The following BCAR3 variants were observed in gnomAD, a reference collection of about 807,000 sequenced individuals.
The protein encoded by BCAR3 is breast cancer anti-estrogen resistance protein 3.
Under a neutral mutation model 80.1 loss-of-function variants are expected in BCAR3, and 37 were observed. The observed-to-expected ratio is 0.46, with a 90% CI of 0.36 to 0.61. The LOEUF (loss-of-function observed/expected upper bound fraction) is 0.61, where lower values mean the gene tolerates loss of function less well. Among genes scored for constraint, BCAR3 ranks in the 20% least tolerant of loss-of-function variants. The pLI is 0.00. For missense variants in BCAR3, 978 were observed against 1,068.2 expected (o/e 0.92, Z 1.18); for synonymous variants, 389 against 418.9 (o/e 0.93, Z 0.87).
intron 2 of BCAR3, among the ~76,000 whole-genome samples, chr1:93,736,113 G>A (rs180999076): frequency 6.6e-6 from 1 of 152,212 alleles, no homozygotes; most frequent in African/African-American, 2.4e-5. Context: ...ATTAAGAAAA[G>A]AATCATGCAA....
At position 93,592,234 on chromosome 1, in the gene BCAR3, T is replaced by C. The variant is rs1455090249; in HGVS notation, c.486+31A>G. The stretch of plus-strand genomic sequence containing the variant: ...TCTGTACATTGCCTGAGAGCAGCCG[T>C]GTATGCTCTGGAAGGGACAAGACCA... On this transcript the variant is annotated intron_variant, in intron 4 of 11. Transcript: ENST00000260502. The surrounding 1 kb of genome is among the most constrained non-coding windows in gnomAD (Gnocchi z 4.8). The C allele has an allele frequency of 1.9e-6, 3 of 1,612,752 alleles. No individual in the cohort carries two copies. The highest frequency in any genetic ancestry group is 1.7e-5 in the Admixed American group (1 of 59,950).
chr1:93,676,826 G>C (rs1187237153), intron 1 of BCAR3, among the ~76,000 whole-genome samples: 2 of 152,226 alleles, frequency 1.3e-5, no homozygotes, highest in Non-Finnish European at 2.9e-5. Flanking sequence ...ATGTGCATAG[G>C]GCCACACTGT....
At chr1:93,750,167 A>G (rs1287943444) in intron 2 of BCAR3, among the ~76,000 whole-genome samples, 1 of 152,204 alleles carries the variant, frequency 6.6e-6, no homozygotes, top group African/African-American at 2.4e-5. Context: ...TCAAAGAGCA[A>G]ACAGAGTTCT....
At chr1:93,820,790 G>T (rs1654187292) in intron 2 of BCAR3, among the ~76,000 whole-genome samples, 1 of 152,132 alleles carries the variant, frequency 6.6e-6, no homozygotes, top group Non-Finnish European at 1.5e-5. Context: ...TCAGACGATG[G>T]GGCTGAAAGT....
intron 2 of BCAR3, among the ~76,000 whole-genome samples, chr1:93,800,906 A>G (rs562627573): frequency 9.2e-5 from 14 of 152,294 alleles, no homozygotes; most frequent in African/African-American, 3.4e-4. Context: ...ATATATCCCT[A>G]TCATTTGAAC....
chr1:93,590,051 G>A (rs1557848960), intron 4 of BCAR3, among the ~76,000 whole-genome samples: 3 of 152,180 alleles, frequency 2.0e-5, no homozygotes, highest in Admixed American at 1.3e-4. Context: ...CCAGTGGGGA[G>A]GAGGAGTCCA....
chr1:93,836,255 T>C (rs1654762970), intron 2 of BCAR3, among the ~76,000 whole-genome samples: 1 of 152,130 alleles, frequency 6.6e-6, no homozygotes, highest in African/African-American at 2.4e-5. Context: ...TTGAACTGCA[T>C]CCCCAAAACT....
At chr1:93,688,664 C>T (rs1571046314) in intron 3 of BCAR3, among the ~76,000 whole-genome samples, 1 of 152,026 alleles carries the variant, frequency 6.6e-6, no homozygotes, top group East Asian at 1.9e-4. Flanking sequence ...GGAGCCATGA[C>T]AGCTCACTGC....
chr1:93,674,874 G>C lies in BCAR3; in HGVS notation c.57C>G (p.Phe19Leu). The change falls in exon 2 of 12, where the codon TTC (phenylalanine) becomes TTG (leucine). Residue 19 changes from phenylalanine to leucine, a missense_variant. Transcript: ENST00000260502. ...LPRNMPVNHQ[F>L]PLASSMDLLS... The stretch of plus-strand genomic sequence containing the variant: ...GAAGGTCCATGGATGAGGCCAGGGG[G>C]AACTGGTGATTCACCGGCATGTTTC... 2 of 1,580,088 alleles carry C rather than the reference G, an allele frequency of 1.3e-6. No individual in the cohort carries two copies. The highest frequency in any genetic ancestry group is 1.7e-6 in the Non-Finnish European group (2 of 1,168,160).
chr1:93,674,785 C>T lies in BCAR3; in HGVS notation c.146G>A (p.Gly49Asp), dbSNP rs1206172281. Residue 49 changes from glycine (G) to aspartate (D), a missense_variant, in exon 2 of 12, where the codon GGC becomes GAC. Gly to Asp is a moderately conservative substitution (Grantham distance 94). Transcript: ENST00000260502. ...PDAYQDVSIH[G>D]TLPRKKKGPP... ...ACCTTTTTTCTTCCGTGGAAGGGTG[C>T]CATGTATAGACACATCTTGATAGGC... The T allele has an allele frequency of 6.2e-7, 1 of 1,612,104 alleles. No homozygotes were observed. The highest frequency in any genetic ancestry group is 1.3e-5 in the African/African-American group (1 of 74,812).
At chr1:93,745,500 T>C (rs1425896626) in intron 2 of BCAR3, among the ~76,000 whole-genome samples, 1 of 151,124 alleles carries the variant, frequency 6.6e-6, no homozygotes, top group Non-Finnish European at 1.5e-5. Context: ...AAGATGCTTT[T>C]ATCTTTCTCC....
intron 2 of BCAR3, among the ~76,000 whole-genome samples, chr1:93,782,712 C>T (rs1449543244): frequency 6.6e-6 from 1 of 152,188 alleles, no homozygotes; most frequent in Non-Finnish European, 1.5e-5. Flanking sequence ...CCCCAAAATG[C>T]TGCCAGGCTT....
intron 2 of BCAR3, among the ~76,000 whole-genome samples, chr1:93,658,497 C>A (rs1298322574): frequency 6.6e-6 from 1 of 151,318 alleles, no homozygotes; most frequent in Admixed American, 6.6e-5. Flanking sequence ...AAAAAAAATA[C>A]AAAAATTAGC....
rs865992706 is a variant in BCAR3 at position 93,769,283 on chromosome 1, G to A, written c.-62-63141C>T. 3.3e-5 allele frequency among the ~76,000 whole-genome samples: 5 copies of A among 152,120 alleles called. No homozygotes were observed. In the South Asian group the frequency reaches 1.0e-3, roughly 32 times the overall value. On this transcript the variant is annotated intron_variant, in intron 2 of 13. Transcript: ENST00000370244. Reference sequence around the variant, plus strand: ...ACGCTCGTGGTATTGCAAACACAGAGCTCCCTCTTCACTTCCAAGAGCCAA... The same window carrying A: ...ACGCTCGTGGTATTGCAAACACAGAACTCCCTCTTCACTTCCAAGAGCCAA...
intron 2 of BCAR3, among the ~76,000 whole-genome samples, chr1:93,742,026 C>T (rs997099277): frequency 1.5e-4 from 23 of 152,324 alleles, no homozygotes; most frequent in African/African-American, 4.8e-4. Flanking sequence ...CCTGCCTCCA[C>T]CACATGGTGT....
chr1:93,578,077 G>T (rs963021251), intron 7 of BCAR3, among the ~76,000 whole-genome samples: 1 of 152,192 alleles, frequency 6.6e-6, no homozygotes, highest in African/African-American at 2.4e-5. Flanking sequence ...ACAGGGCAGG[G>T]TGGCAGAAGC....
intron 2 of BCAR3, among the ~76,000 whole-genome samples, chr1:93,834,420 T>C (rs1019326473): frequency 6.6e-6 from 1 of 152,124 alleles, no homozygotes; most frequent in Non-Finnish European, 1.5e-5. Context: ...CCTAAATCCT[T>C]TCCCCACTCC....
intron 2 of BCAR3, among the ~76,000 whole-genome samples, chr1:93,787,006 TG>T (rs1264037480): frequency 6.6e-6 from 1 of 152,266 alleles, no homozygotes; most frequent in Admixed American, 6.5e-5. Context: ...ACTTTCCAGA[TG>T]ATTCTTTTGC....
At chr1:93,676,603 C>T (rs973329620) in intron 1 of BCAR3, among the ~76,000 whole-genome samples, 2 of 152,194 alleles carry the variant, frequency 1.3e-5, no homozygotes, top group African/African-American at 4.8e-5. Context: ...GTACCTGGCA[C>T]ACTGTCAGCA....
Sources: allele counts gnomAD v4.1 joint callset (sites outside exome capture counted in the v4.1 genomes callset), GRCh38; gene constraint gnomAD v4.1.1; non-coding constraint Gnocchi (gnomAD v3.1); transcripts MANE v1.5; gene names NCBI Gene and HGNC (gene_info 2026-07-23, HGNC 2026-07-21).